The following ETV3 variants were observed in gnomAD, a reference collection of about 807,000 sequenced individuals.
The protein encoded by ETV3 is ETS translocation variant 3.
In ETV3, 8 loss-of-function variants were observed where a neutral mutation model predicts 33.0. The observed-to-expected ratio is 0.24, with a 90% CI of 0.14 to 0.44. The LOEUF (loss-of-function observed/expected upper bound fraction) is 0.44. ETV3 is among the 20% of genes least tolerant of loss of function. The pLI, the probability that ETV3 is intolerant of heterozygous loss-of-function variation, is 1.00. For missense variants in ETV3, 473 were observed against 652.3 expected (o/e 0.73, Z 2.99); for synonymous variants, 222 against 238.9 (o/e 0.93, Z 0.65).
chr1:157,133,827 A>G, intron 4 of ETV3: 1 of 1,178,814 alleles, frequency 8.5e-7, no homozygotes, highest in South Asian at 2.8e-5. Context: ...AACCTATGAA[A>G]CATCATTCCC....
Position 157,138,342 on chromosome 1 carries a change from T to G in ETV3, c.-40A>C, listed in dbSNP as rs1256998274. Reference sequence around the variant, plus strand: ...TCTTCCCGGCACGGTCCGTCTTCGGTCCGGTCTCCTCCGCGGCGTCTCCGG... The same window carrying G: ...TCTTCCCGGCACGGTCCGTCTTCGGGCCGGTCTCCTCCGCGGCGTCTCCGG... On this transcript the variant is annotated 5_prime_UTR_variant, in exon 1 of 5. Transcript: ENST00000368192. 6.6e-6 allele frequency: 1 copy of G among 151,984 alleles called. No individual in the cohort carries two copies. Among genetic ancestry groups the G allele is most frequent in the Admixed American group, 6.5e-5 (1 of 15,274 alleles). 9.4% of individuals were successfully genotyped at this position (151,984 alleles called of 1,614,324 possible).
At chr1:157,135,448 G>A (rs1203313478) in intron 3 of ETV3, 23 bp downstream of exon 3, 1 of 1,613,210 alleles carries the variant, frequency 6.2e-7, no homozygotes, top group East Asian at 2.2e-5. Context: ...TGTTAACACA[G>A]ATTTGGGAAT....
In ETV3 at chr1:157,124,767, CCCT is replaced by C; in HGVS notation, c.*71_*73del. 1 of 514,552 alleles carries C rather than the reference CCCT, an allele frequency of 1.9e-6. No homozygotes were observed. Among genetic ancestry groups the C allele is most frequent in the Non-Finnish European group, 3.0e-6 (1 of 328,960 alleles). The allele number at this position is 514,552 out of a possible 1,614,324, so 31.9% of individuals were successfully genotyped here. ...AACCAGTTTAACTCCCTCCCCCCCACCCTGAAATCTTGCTACATAAATACATGT... is the reference window on the plus strand; with the variant it reads ...AACCAGTTTAACTCCCTCCCCCCCACGAAATCTTGCTACATAAATACATGT... On this transcript the variant is annotated 3_prime_UTR_variant, in exon 5 of 5. Transcript: ENST00000368192.
At chr1:157,137,449 C>T (rs1455077226) in intron 1 of ETV3, among the ~76,000 whole-genome samples, 1 of 151,472 alleles carries the variant, frequency 6.6e-6, no homozygotes, top group East Asian at 1.9e-4. Context: ...TGTCAGTCTA[C>T]AAAACTACTA....
At chr1:157,135,987 G>A (rs1675099701) in intron 2 of ETV3, among the ~76,000 whole-genome samples, 1 of 152,142 alleles carries the variant, frequency 6.6e-6, no homozygotes, top group African/African-American at 2.4e-5. Context: ...CTTTCTGTGA[G>A]GACATAAAAG....
At chr1:157,128,205 A>G (rs1298098061) in intron 4 of ETV3, among the ~76,000 whole-genome samples, 1 of 151,722 alleles carries the variant, frequency 6.6e-6, no homozygotes, top group Non-Finnish European at 1.5e-5. Flanking sequence ...CATGGGACTG[A>G]GTAACACTAT....
At chr1:157,130,097 C>T in intron 4 of ETV3, among the ~76,000 whole-genome samples, 1 of 152,180 alleles carries the variant, frequency 6.6e-6, no homozygotes, top group East Asian at 1.9e-4. Context: ...CCACCTCCGC[C>T]TCCCAAAGTG....
Position 157,125,920 on chromosome 1 carries a change from G to T in ETV3, c.460C>A (p.Pro154Thr). 1 of 1,551,792 alleles carries T rather than the reference G, an allele frequency of 6.4e-7. No individual in the cohort carries two copies. The highest frequency in any genetic ancestry group is 8.7e-7 in the Non-Finnish European group (1 of 1,147,018). Residue 154 changes from proline to threonine, a missense_variant, in exon 5 of 5, where the codon CCT becomes ACT. By Grantham distance (38) the Pro-to-Thr change is conservative. Transcript: ENST00000368192. The surrounding 1 kb of genome is among the most constrained non-coding windows in gnomAD (Gnocchi z 4.0). The part of the protein sequence containing the change: ...PTASSRFHFP[P>T]LDTHSPTNDV... ...TTGGTTGGAGAATGGGTGTCCAGAGGTGGGAAATGGAACCGGGAAGAGGCT... is the reference window on the plus strand; with the variant it reads ...TTGGTTGGAGAATGGGTGTCCAGAGTTGGGAAATGGAACCGGGAAGAGGCT...
chr1:157,126,215 G>A (rs1478963554), intron 4 of ETV3, among the ~76,000 whole-genome samples: 4 of 152,114 alleles, frequency 2.6e-5, no homozygotes, highest in Non-Finnish European at 1.5e-5. Flanking sequence ...CAAAAACATT[G>A]TAATTGCTTA....
chr1:157,127,568 CAG>C (rs1219267249), intron 4 of ETV3, among the ~76,000 whole-genome samples: 4 of 133,792 alleles, frequency 3.0e-5, no homozygotes, highest in Non-Finnish European at 6.3e-5. Context: ...TTTTTTGAGA[CAG>C]GGTTTCACTC....
intron 4 of ETV3, among the ~76,000 whole-genome samples, chr1:157,126,679 G>A (rs1448871834): frequency 6.6e-6 from 1 of 152,184 alleles, no homozygotes; most frequent in Non-Finnish European, 1.5e-5. Context: ...AGCTGCCCTG[G>A]CTGACTGTAG....
chr1:157,126,821 C>G (rs894907304), intron 4 of ETV3, among the ~76,000 whole-genome samples: 1 of 147,310 alleles, frequency 6.8e-6, no homozygotes, highest in African/African-American at 2.6e-5. Flanking sequence ...TAGGGAGGGA[C>G]AGAGCTGCCC....
In ETV3 at chr1:157,131,158, C is replaced by T. The variant is rs75749316; in HGVS notation, c.400+2954G>A. Among the ~76,000 whole-genome samples, 906 of 152,278 alleles carry T rather than the reference C, an allele frequency of 5.9e-3. 5 individuals carry two copies. Among genetic ancestry groups the T allele is most frequent in the Non-Finnish European group, 8.4e-3 (568 of 68,014 alleles). On this transcript the variant is annotated intron_variant, in intron 4 of 4. Transcript: ENST00000368192. ...GTTTTCCCAAATAAAAATTAAAAAACTGGGGTTGGTGGGAGTAGAGAGGCA... is the reference window on the plus strand; with the variant it reads ...GTTTTCCCAAATAAAAATTAAAAAATTGGGGTTGGTGGGAGTAGAGAGGCA...
Position 157,124,771 on chromosome 1 carries a change from G to GA in ETV3, c.*69dup. On this transcript the variant is annotated 3_prime_UTR_variant, in exon 5 of 5. Coordinates refer to ENST00000368192, the MANE Select transcript of ETV3 (RefSeq NM_001145312.3). ...AGTTTAACTCCCTCCCCCCCACCCT[G>GA]AAATCTTGCTACATAAATACATGTA... 3.6e-5 allele frequency: 4 copies of GA among 111,184 alleles called. No individual in the cohort carries two copies. Among genetic ancestry groups the GA allele is most frequent in the South Asian group, 3.9e-4 (2 of 5,078 alleles). The allele number at this position is 111,184 out of a possible 1,614,324, so 6.9% of individuals were successfully genotyped here.
chr1:157,133,377 C>A, intron 4 of ETV3: 1 of 985,050 alleles, frequency 1.0e-6, no homozygotes, highest in Non-Finnish European at 1.2e-6. Context: ...ATAAGGGGAA[C>A]TACTGTATTT....
In ETV3 at chr1:157,124,648, A is replaced by C. The variant is rs1345058768; in HGVS notation, c.*193T>G. On this transcript the variant is annotated 3_prime_UTR_variant, in exon 5 of 5. Coordinates refer to ENST00000368192, the MANE Select transcript of ETV3 (RefSeq NM_001145312.3). ...CCTGTGTCCTACTCACCAGGAAAATAAGTGTGTTCATATCCCACCTAATTT... is the reference window on the plus strand; with the variant it reads ...CCTGTGTCCTACTCACCAGGAAAATCAGTGTGTTCATATCCCACCTAATTT... The C allele has an allele frequency of 1.8e-6, 1 of 550,660 alleles. No homozygotes were observed. The highest frequency in any genetic ancestry group is 3.1e-6 in the Non-Finnish European group (1 of 324,518). 34.1% of individuals were successfully genotyped at this position (550,660 alleles called of 1,614,324 possible).
At chr1:157,131,927 T>G (rs1157520797) in intron 4 of ETV3, among the ~76,000 whole-genome samples, 1 of 152,216 alleles carries the variant, frequency 6.6e-6, no homozygotes, top group African/African-American at 2.4e-5. Flanking sequence ...AACCAGGTAG[T>G]AGAGATAGAT....
intron 4 of ETV3, chr1:157,133,077 G>A (rs956687400): frequency 2.0e-5 from 3 of 152,160 alleles, no homozygotes; most frequent in Admixed American, 2.0e-4. Flanking sequence ...CTTATCTGAG[G>A]TTTTGCTTTC....
In ETV3 at chr1:157,134,130, T is replaced by C. The variant is rs766539831; in HGVS notation, c.382A>G (p.Ile128Val). Residue 128 changes from isoleucine to valine, a missense_variant, in exon 4 of 5, where the codon ATC becomes GTC. By Grantham distance (29) the Ile-to-Val change is conservative (BLOSUM62 3). Transcript: ENST00000368192. ...NKLVMPNYPF[I>V]NIRSSGVVPQ... ...ATCTTACCACTTGACCGAATGTTGA[T>C]GAATGGGTAGTTGGGCATCACCAGC... is the stretch of plus-strand genomic sequence containing the variant. 3 of 1,614,046 alleles carry C rather than the reference T, an allele frequency of 1.9e-6. No individual in the cohort carries two copies. Among genetic ancestry groups the C allele is most frequent in the Non-Finnish European group, 2.5e-6 (3 of 1,179,990 alleles).
Sources: allele counts gnomAD v4.1 joint callset (sites outside exome capture counted in the v4.1 genomes callset), GRCh38; gene constraint gnomAD v4.1.1; non-coding constraint Gnocchi (gnomAD v3.1); transcripts MANE v1.5; gene names NCBI Gene and HGNC (gene_info 2026-07-23, HGNC 2026-07-21).